The following MCM4 variants were observed in gnomAD, a reference collection of about 807,000 sequenced individuals.
MCM4 encodes minichromosome maintenance complex component 4, also known as DNA replication licensing factor MCM4.
MCM4 carries 60 observed loss-of-function variants against 88.7 expected under a neutral mutation model. The observed-to-expected ratio is 0.68, with a 90% confidence interval of 0.55 to 0.84. The LOEUF (loss-of-function observed/expected upper bound fraction) is 0.84. MCM4 is among the 40% of genes least tolerant of loss of function. MCM4 has a pLI of 0.00. For missense variants in MCM4, 1,149 were observed against 1,105.5 expected (o/e 1.04, Z -0.56); for synonymous variants, 465 against 410.5 (o/e 1.13, Z -1.61).
rs538498610 is a variant in MCM4 at position 47,964,552 on chromosome 8, A to T, written c.694-22A>T. 4.5e-6 allele frequency: 7 copies of T among 1,553,698 alleles called. No homozygotes were observed. In the African/African-American group the frequency reaches 9.6e-5, roughly 21 times the overall value. ...AACACTGAGATATGAATACAAATAC[A>T]TCTTCATATTTGTTTTTACAGGAAG... On this transcript the variant is annotated intron_variant, in intron 7 of 16. Coordinates refer to ENST00000649973, the MANE Select transcript of MCM4 (RefSeq NM_182746.3).
intron 13 of MCM4, 34 bp from the exon 14 acceptor site, chr8:47,972,823 C>A: frequency 6.3e-7 from 1 of 1,587,740 alleles, no homozygotes; most frequent in South Asian, 1.1e-5. Flanking sequence ...TCACAAGGTG[C>A]TGGAAAAACA....
intron 8 of MCM4, among the ~76,000 whole-genome samples, chr8:47,964,991 G>A (rs1004177805): frequency 6.6e-6 from 1 of 152,132 alleles, no homozygotes; most frequent in African/African-American, 2.4e-5. Flanking sequence ...CGAGGCAGGC[G>A]GATCACCTGA....
intron 10 of MCM4, among the ~76,000 whole-genome samples, chr8:47,968,470 T>A (rs1378096898): frequency 6.6e-6 from 1 of 152,210 alleles, no homozygotes; most frequent in Non-Finnish European, 1.5e-5. Flanking sequence ...TATTTTTGTT[T>A]CCTCACCTAC....
Position 47,966,257 on chromosome 8 carries a change from G to A in MCM4, c.903G>A (p.Glu301=). ...CCCAGCTGATTCCCGAGATGCAGGAGGCCTTCTTCCAGTGCCAAGTGTGTG... is the reference window on the plus strand; with the variant it reads ...CCCAGCTGATTCCCGAGATGCAGGAAGCCTTCTTCCAGTGCCAAGTGTGTG... The part of the protein sequence containing the change: ...RTSQLIPEMQ[E]AFFQCQVCAH... Residue 301 remains glutamate, a synonymous_variant, in exon 9 of 17, where the codon GAG becomes GAA. Transcript: ENST00000649973. 1 of 1,614,134 alleles carries A rather than the reference G, an allele frequency of 6.2e-7. No homozygotes were observed. Among genetic ancestry groups the A allele is most frequent in the Non-Finnish European group, 8.5e-7 (1 of 1,180,034 alleles).
In MCM4 at chr8:47,961,495, TTC is replaced by T; in HGVS notation, c.71-19_71-18del. The T allele has an allele frequency of 6.2e-7, 1 of 1,613,550 alleles. No homozygotes were observed. The highest frequency in any genetic ancestry group is 1.1e-5 in the South Asian group (1 of 91,044). ...GGCCCTGAAAGTTAATGGCTGTCTTTTCTGTTTTGTGTGACACAAGCTCGGAG... is the reference window on the plus strand; with the variant it reads ...GGCCCTGAAAGTTAATGGCTGTCTTTTGTTTTGTGTGACACAAGCTCGGAG... On this transcript the variant is annotated intron_variant, in intron 2 of 16. Coordinates refer to ENST00000649973, the MANE Select transcript of MCM4 (RefSeq NM_182746.3).
chr8:47,970,488 T>G (rs757731256), intron 11 of MCM4, 23 bp from the exon 12 acceptor site: 2 of 1,575,790 alleles, frequency 1.3e-6, no homozygotes, highest in Non-Finnish European at 1.7e-6. Context: ...AATGAATGTT[T>G]AGACATGTCT....
rs940159171 is a variant in MCM4 at position 47,966,097 on chromosome 8, T to C, written c.833-90T>C. The C allele has an allele frequency of 1.4e-5, 15 of 1,064,920 alleles. No individual in the cohort carries two copies. The South Asian group carries it at 1.6e-4, about 12-fold the overall frequency. The allele number at this position is 1,064,920 out of a possible 1,614,324, so 66.0% of individuals were successfully genotyped here. A position where few individuals can be genotyped will look rare whatever the true frequency, so the allele number is the denominator to read the frequency against. On this transcript the variant is annotated intron_variant, in intron 8 of 16. Transcript: ENST00000649973. ...CAGAAAGGTCGCCCTAGGCAGAGTC[T>C]TGGGCACCTAGCTCCTGTCTGTGAT...
intron 7 of MCM4, 103 bp downstream of exon 7, chr8:47,963,143 C>CT: frequency 1.5e-6 from 1 of 672,300 alleles, no homozygotes. Context: ...TGCGCAAACA[C>CT]TTTAAGAAAC....
Position 47,970,069 on chromosome 8 carries a change from T to C in MCM4, c.1434+12T>C, listed in dbSNP as rs368829234. On this transcript the variant is annotated intron_variant, in intron 11 of 16. Coordinates refer to ENST00000649973, the MANE Select transcript of MCM4 (RefSeq NM_182746.3). Reference sequence around the variant, plus strand: ...AAGATATAAAGAAGGTAACAGTGGATTTTAAACTAGGGGTTGGGATTTACA... The same window carrying C: ...AAGATATAAAGAAGGTAACAGTGGACTTTAAACTAGGGGTTGGGATTTACA... 1.1e-5 allele frequency: 18 copies of C among 1,611,186 alleles called. No homozygotes were observed. In the African/African-American group the frequency reaches 2.4e-4, roughly 22 times the overall value.
At chr8:47,969,578 T>C in intron 10 of MCM4, 1 of 571,172 alleles carries the variant, frequency 1.8e-6, no homozygotes. Context: ...CGTTTCCTGC[T>C]GCTATTTCCC....
intron 2 of MCM4, 84 bp downstream of exon 2, chr8:47,961,298 G>C: frequency 7.0e-7 from 1 of 1,427,554 alleles, no homozygotes; most frequent in Non-Finnish European, 9.1e-7. Context: ...CTGGGTGGGT[G>C]CGCGGGACCC....
intron 2 of MCM4, 138 bp from the exon 3 acceptor site, chr8:47,961,378 G>A: frequency 3.9e-6 from 6 of 1,529,394 alleles, no homozygotes; most frequent in Admixed American, 1.9e-5. Flanking sequence ...TGTGGCCTGG[G>A]TGCTGCTTAA....
chr8:47,973,387 G>T (rs151161621), intron 14 of MCM4, among the ~76,000 whole-genome samples: 1,532 of 152,296 alleles, frequency 0.01, 28 homozygotes, highest in African/African-American at 0.034. Context: ...TGTTGGCCAG[G>T]CTGGTCTTGA....
At chr8:47,968,317 G>A (rs1424911381) in intron 10 of MCM4, among the ~76,000 whole-genome samples, 2 of 152,330 alleles carry the variant, frequency 1.3e-5, no homozygotes, top group East Asian at 3.9e-4. Flanking sequence ...CCAGTGTGAA[G>A]TCCCGCAGTT....
chr8:47,971,807 C>T (rs2154505366), intron 13 of MCM4, among the ~76,000 whole-genome samples: 1 of 152,292 alleles, frequency 6.6e-6, no homozygotes, highest in South Asian at 2.1e-4. Flanking sequence ...AATCTTCACT[C>T]TTGGCCCCAC....
chr8:47,972,985 T>C lies in MCM4; in HGVS notation c.2057T>C (p.Val686Ala). ...QAEEELLDMAVLKDYIAYAHS... is the reference protein window; with the variant it reads ...QAEEELLDMAALKDYIAYAHS... ...GAGGAGGAGCTCCTGGACATGGCGG[T>C]GCTAAAGGACTACATTGCCTACGCG... Residue 686 changes from valine to alanine, a missense_variant, in exon 14 of 17, where the codon GTG (valine) becomes GCG (alanine). This residue lies in a region of MCM4 where 238 missense variants were observed against 241.6 expected (regional missense o/e 0.99). Coordinates refer to ENST00000649973, the MANE Select transcript of MCM4 (RefSeq NM_182746.3). The C allele has an allele frequency of 6.2e-7, 1 of 1,614,070 alleles. No individual in the cohort carries two copies. Among genetic ancestry groups the C allele is most frequent in the Admixed American group, 1.7e-5 (1 of 60,000 alleles).
At chr8:47,966,889 G>C (rs912700379) in intron 9 of MCM4, among the ~76,000 whole-genome samples, 1 of 152,262 alleles carries the variant, frequency 6.6e-6, no homozygotes, top group African/African-American at 2.4e-5. Flanking sequence ...TGACTGTAAA[G>C]ATGTGGGAGG....
intron 14 of MCM4, among the ~76,000 whole-genome samples, chr8:47,973,336 C>T (rs1186419926): frequency 4.0e-5 from 6 of 151,648 alleles, no homozygotes; most frequent in African/African-American, 9.7e-5. Context: ...ACAACCACTC[C>T]GGCTAATTTT....
intron 15 of MCM4, chr8:47,975,194 T>TA (rs1230853105): frequency 7.0e-6 from 3 of 430,048 alleles, no homozygotes; most frequent in African/African-American, 4.0e-5. Flanking sequence ...TTTTTTTTTT[T>TA]ATACTTTAAG....
Sources: gnomAD v4.1 joint callset for allele counts (sites outside exome capture counted in the v4.1 genomes callset) on GRCh38, gnomAD v4.1.1 for gene constraint, gnomAD v4.1.1 regional missense constraint, MANE v1.5 for transcripts, NCBI Gene and HGNC (gene_info 2026-07-23, HGNC 2026-07-21) for gene names.